The following GCNT1 variants were observed in gnomAD, a reference collection of about 807,000 sequenced individuals.
GCNT1 encodes the protein glucosaminyl (N-acetyl) transferase 1, also known as beta-1,3-galactosyl-O-glycosyl-glycoprotein beta-1,6-N-acetylglucosaminyltransferase.
In GCNT1, 16 loss-of-function variants were observed where a neutral mutation model predicts 26.2. That is an observed-to-expected ratio of 0.61 (90% confidence interval 0.41 to 0.93). The LOEUF (loss-of-function observed/expected upper bound fraction) is 0.93, where lower values mean the gene tolerates loss of function less well. Ranked by LOEUF, GCNT1 falls within the 40% of genes least tolerant of loss-of-function variation. The pLI, the probability that GCNT1 is intolerant of heterozygous loss-of-function variation, is 0.00. For missense variants in GCNT1, 477 were observed against 526.7 expected (o/e 0.91, Z 0.92); for synonymous variants, 183 against 190.8 (o/e 0.96, Z 0.34).
At chr9:76,399,484 C>T in the GCNT1 span, 23 of 1,586,702 alleles carry the variant, frequency 1.4e-5, no homozygotes, top group Non-Finnish European at 2.0e-5. Context: ...TTCAGCAGTT[C>T]CCTACTGAAG....
At chr9:76,452,913 C>T (rs1213680640) in intron 1 of GCNT1, among the ~76,000 whole-genome samples, 1 of 152,174 alleles carries the variant, frequency 6.6e-6, no homozygotes, top group Non-Finnish European at 1.5e-5. Context: ...TGCCAGCCCA[C>T]AGAACTATTT....
At chr9:76,429,816 G>A (rs1448629989) in intron 1 of GCNT1, among the ~76,000 whole-genome samples, 1 of 149,378 alleles carries the variant, frequency 6.7e-6, no homozygotes, top group East Asian at 2.0e-4. Flanking sequence ...CCGGGTTCCT[G>A]CCATCCTCCT....
chr9:76,437,919 A>C (rs1339455686), upstream of GCNT1, among the ~76,000 whole-genome samples: 1 of 152,232 alleles, frequency 6.6e-6, no homozygotes, highest in African/African-American at 2.4e-5. Context: ...TTAAAGAGTA[A>C]ATGATCTTTT....
intron 2 of GCNT1, among the ~76,000 whole-genome samples, chr9:76,500,475 A>T (rs1341283376): frequency 6.6e-6 from 1 of 152,134 alleles, no homozygotes; most frequent in Non-Finnish European, 1.5e-5. Context: ...TCGCTTTCTG[A>T]TAGAGGTGTG....
At chr9:76,418,119 G>A (rs1823148704), upstream of GCNT1, among the ~76,000 whole-genome samples, 4 of 152,142 alleles carry the variant, frequency 2.6e-5, no homozygotes, top group Admixed American at 2.6e-4. Flanking sequence ...GTCCAGAAAG[G>A]TGGGACAACT....
At chr9:76,467,180 C>G (rs550644210) in intron 2 of GCNT1, among the ~76,000 whole-genome samples, 1 of 152,108 alleles carries the variant, frequency 6.6e-6, no homozygotes, top group Non-Finnish European at 1.5e-5. Context: ...GTATCTGGGA[C>G]TACAGGCACC....
chr9:76,489,961 C>A (rs1329923822), intron 2 of GCNT1, among the ~76,000 whole-genome samples: 1 of 152,182 alleles, frequency 6.6e-6, no homozygotes, highest in Non-Finnish European at 1.5e-5. Context: ...GTAAGATCAT[C>A]TGTAGCTTGA....
chr9:76,433,782 A>G (rs889659818), intron 1 of GCNT1, among the ~76,000 whole-genome samples: 2 of 152,174 alleles, frequency 1.3e-5, no homozygotes, highest in Admixed American at 6.5e-5. Flanking sequence ...ATCCTGTGTC[A>G]GTACCAGATA....
At chr9:76,404,960 C>T in the GCNT1 span, among the ~76,000 whole-genome samples, 4 of 152,014 alleles carry the variant, frequency 2.6e-5, no homozygotes, top group East Asian at 1.9e-4. Flanking sequence ...GGATCACAGG[C>T]GTGTACACCA....
Position 76,503,703 on chromosome 9 carries a change from T to G in GCNT1, c.*35T>G. The G allele has an allele frequency of 6.6e-7, 1 of 1,504,842 alleles. No individual in the cohort carries two copies. Among genetic ancestry groups the G allele is most frequent in the Non-Finnish European group, 9.2e-7 (1 of 1,091,140 alleles). The allele number at this position is 1,504,842 out of a possible 1,614,324, so 93.2% of individuals were successfully genotyped here. A position where few individuals can be genotyped will look rare whatever the true frequency, so the allele number is the denominator to read the frequency against. ...GCAATTTTATGAACAAGAAGAAGGA[T>G]ACACAAAACGTACCCTTATCTGTTT... On this transcript the variant is annotated 3_prime_UTR_variant, in exon 4 of 4. Transcript: ENST00000376730.
chr9:76,428,302 A>AAAAAAAAAAAAAAAAAAAAAAAAAAAAAG (rs1222053703), intron 1 of GCNT1, among the ~76,000 whole-genome samples: 1 of 149,328 alleles, frequency 6.7e-6, no homozygotes, highest in Non-Finnish European at 1.5e-5. Flanking sequence ...TAAAAAAAAA[A>AAAAAAAAAAAAAAAAAAAAAAAAAAAAAG]AGAGAGAGAG....
At chr9:76,395,712 A>T in the GCNT1 span, among the ~76,000 whole-genome samples, 1 of 152,336 alleles carries the variant, frequency 6.6e-6, no homozygotes, top group Non-Finnish European at 1.5e-5. Context: ...ATGGTCAGTT[A>T]CTTATCTATA....
chr9:76,486,863 G>A (rs1168009144), intron 2 of GCNT1, among the ~76,000 whole-genome samples: 1 of 152,108 alleles, frequency 6.6e-6, no homozygotes, highest in African/African-American at 2.4e-5. Flanking sequence ...ATCACTTGAG[G>A]TCAGGAGTTC....
chr9:76,456,527 C>T (rs1479461273), upstream of GCNT1, among the ~76,000 whole-genome samples: 1 of 152,208 alleles, frequency 6.6e-6, no homozygotes, highest in Non-Finnish European at 1.5e-5. Flanking sequence ...ATGTTTTTGC[C>T]TTGCCAATCT....
At chr9:76,394,881 C>G in the GCNT1 span, among the ~76,000 whole-genome samples, 1 of 152,228 alleles carries the variant, frequency 6.6e-6, no homozygotes, top group Non-Finnish European at 1.5e-5. Flanking sequence ...CAAAATTCAG[C>G]TCAAAGATCG....
intron 1 of GCNT1, among the ~76,000 whole-genome samples, chr9:76,454,025 C>T (rs909716576): frequency 6.6e-6 from 1 of 152,112 alleles, no homozygotes; most frequent in Admixed American, 6.5e-5. Flanking sequence ...GATCTGCAAG[C>T]TTTTGAAAGG....
chr9:76,479,485 A>G (rs1824358052), intron 2 of GCNT1, among the ~76,000 whole-genome samples: 3 of 152,328 alleles, frequency 2.0e-5, no homozygotes, highest in Admixed American at 2.0e-4. Flanking sequence ...CAACAGTGTA[A>G]AAGTGTTCCT....
intron 2 of GCNT1, among the ~76,000 whole-genome samples, chr9:76,474,694 T>C (rs1486110399): frequency 1.3e-5 from 2 of 152,232 alleles, no homozygotes; most frequent in Non-Finnish European, 2.9e-5. Flanking sequence ...GATTTTTGTT[T>C]TTGGGAAATT....
chr9:76,428,563 G>A (rs902344735), intron 1 of GCNT1, among the ~76,000 whole-genome samples: 2 of 151,790 alleles, frequency 1.3e-5, no homozygotes, highest in African/African-American at 4.8e-5. Flanking sequence ...AATAATCTTT[G>A]TGCCCCTCCC....
Sources: gnomAD v4.1 joint callset for allele counts (sites outside exome capture counted in the v4.1 genomes callset) on GRCh38, gnomAD v4.1.1 for gene constraint, MANE v1.5 for transcripts, NCBI Gene and HGNC (gene_info 2026-07-23, HGNC 2026-07-21) for gene names.